ODAD2: variants seen among roughly 807,000 people sequenced by gnomAD.
The protein encoded by ODAD2 is outer dynein arm-docking complex subunit 2.
A neutral mutation model predicts 106.8 loss-of-function variants in ODAD2; 89 were observed. The observed-to-expected ratio is 0.83, with a 90% CI of 0.70 to 0.99. The LOEUF (loss-of-function observed/expected upper bound fraction) is 0.99. ODAD2 is among the 50% of genes least tolerant of loss of function. ODAD2 has a pLI of 0.00. For missense variants in ODAD2, 1,168 were observed against 1,238.5 expected (o/e 0.94, Z 0.85); for synonymous variants, 404 against 436.2 (o/e 0.93, Z 0.92).
chr10:27,963,093 C>T (rs1251643523), intron 9 of ODAD2, among the ~76,000 whole-genome samples: 6 of 151,846 alleles, frequency 4.0e-5, no homozygotes, highest in African/African-American at 7.3e-5. Context: ...CTGCAACCTC[C>T]GCCTGCCGGG....
intron 7 of ODAD2, among the ~76,000 whole-genome samples, chr10:27,979,445 T>TACAC (rs35697488): frequency 0.018 from 2,607 of 141,876 alleles, 34 homozygotes; most frequent in Middle Eastern, 0.051. Flanking sequence ...CACACACCCA[T>TACAC]ACACACACAC....
chr10:27,897,454 T>C (rs1020053796), intron 17 of ODAD2, among the ~76,000 whole-genome samples: 2 of 152,068 alleles, frequency 1.3e-5, no homozygotes, highest in Non-Finnish European at 2.9e-5. Context: ...AGAAAAAAAA[T>C]CCAAAATTCA....
At chr10:27,887,026 C>A (rs893558400) in intron 17 of ODAD2, among the ~76,000 whole-genome samples, 2 of 151,924 alleles carry the variant, frequency 1.3e-5, no homozygotes, top group East Asian at 3.8e-4. Context: ...CTTTCCTATA[C>A]TTTAAATGTA....
intron 19 of ODAD2, among the ~76,000 whole-genome samples, chr10:27,845,650 C>T (rs892002675): frequency 3.9e-5 from 6 of 152,124 alleles, no homozygotes; most frequent in Non-Finnish European, 7.3e-5. Context: ...AGTCAGGACC[C>T]ATTAGTGTGC....
chr10:27,998,930 G>GCGCCGC (rs71391007), intron 1 of ODAD2, 64 bp downstream of exon 1: 38,806 of 156,398 alleles, frequency 0.25, 5,154 homozygotes, highest in Middle Eastern at 0.31. Context: ...CCTCCCCCGG[G>GCGCCGC]CGCCGCCGCC....
chr10:27,950,075 C>T lies in ODAD2; in HGVS notation c.1387-5113G>A, dbSNP rs1490483070. Among the ~76,000 whole-genome samples the T allele has an allele frequency of 4.6e-5, 7 of 152,268 alleles. No homozygotes were observed. The South Asian group carries it at 1.5e-3, about 32-fold the overall frequency. The stretch of plus-strand genomic sequence containing the variant: ...CCCACACAGCTTCTCCATCTGCAAT[C>T]AAGAAGCAGCCGGTGAGACTTGGAG... On this transcript the variant is annotated intron_variant, in intron 10 of 19. Transcript: ENST00000305242.
chr10:27,885,720 A>T (rs1243817081), intron 17 of ODAD2, among the ~76,000 whole-genome samples: 520 of 41,910 alleles, frequency 0.012, 32 homozygotes, highest in Non-Finnish European at 0.02. Context: ...TATATTATAT[A>T]TTATATATAA....
At chr10:27,907,526 G>C (rs565990790) in intron 17 of ODAD2, 137 bp downstream of exon 17, 83 of 533,752 alleles carry the variant, frequency 1.6e-4, no homozygotes, top group African/African-American at 1.4e-3. Context: ...AATTATTTTG[G>C]CATAAACATT....
At position 27,894,329 on chromosome 10, in the gene ODAD2, A is replaced by G. The variant is rs1486867795; in HGVS notation, c.2610+13334T>C. Among the ~76,000 whole-genome samples, 4 of 152,224 alleles carry G rather than the reference A, an allele frequency of 2.6e-5. No individual in the cohort carries two copies. The East Asian group carries it at 5.8e-4, about 22-fold the overall frequency. ...AACATGAGACCTCAAAAAAATTCCA[A>G]GTACACATAACCTCCACGGATATAC... On this transcript the variant is annotated intron_variant, in intron 17 of 19. Transcript: ENST00000305242.
At chr10:27,992,555 T>C (rs1311561902) in intron 2 of ODAD2, among the ~76,000 whole-genome samples, 1 of 151,934 alleles carries the variant, frequency 6.6e-6, no homozygotes, top group Non-Finnish European at 1.5e-5. Flanking sequence ...CCAGGCATAG[T>C]AGTATGTGCC....
chr10:27,956,491 A>G (rs11596400), intron 10 of ODAD2, among the ~76,000 whole-genome samples: 57,230 of 152,028 alleles, frequency 0.38, 12,122 homozygotes, highest in Middle Eastern at 0.59. Flanking sequence ...GTGCTTGCCA[A>G]TATAACCCTT....
intron 17 of ODAD2, among the ~76,000 whole-genome samples, chr10:27,906,115 A>G (rs576276883): frequency 2.0e-5 from 3 of 152,298 alleles, no homozygotes; most frequent in Non-Finnish European, 4.4e-5. Flanking sequence ...CAATCTATCA[A>G]TCTGACAAAG....
chr10:27,854,328 C>T lies in ODAD2; in HGVS notation c.3021+6297G>A, dbSNP rs112533557. Among the ~76,000 whole-genome samples, 4 of 152,052 alleles carry T rather than the reference C, an allele frequency of 2.6e-5. No homozygotes were observed. The South Asian group carries it at 8.3e-4, about 32-fold the overall frequency. On this transcript the variant is annotated intron_variant, in intron 19 of 19. Coordinates refer to ENST00000305242, the MANE Select transcript of ODAD2 (RefSeq NM_018076.5). ...TTTAAAAAGTTAAAGGTACACATAC[C>T]GTATGATCCAGCCATTCACTCCTAG... is the stretch of plus-strand genomic sequence containing the variant.
chr10:27,868,649 G>A (rs1221149097), intron 17 of ODAD2, among the ~76,000 whole-genome samples: 2 of 152,078 alleles, frequency 1.3e-5, no homozygotes, highest in East Asian at 3.9e-4. Flanking sequence ...CATAGATACA[G>A]GGAAGGGAAT....
intron 17 of ODAD2, among the ~76,000 whole-genome samples, chr10:27,887,758 T>C (rs1457288308): frequency 6.6e-6 from 1 of 151,618 alleles, no homozygotes; most frequent in Admixed American, 6.6e-5. Flanking sequence ...CACACAAAAC[T>C]AGAAAAACAA....
intron 14 of ODAD2, among the ~76,000 whole-genome samples, chr10:27,938,828 G>A (rs905212712): frequency 6.6e-6 from 1 of 152,026 alleles, no homozygotes; most frequent in Non-Finnish European, 1.5e-5. Context: ...TTGAACCCCT[G>A]ACCTGAAGTG....
intron 19 of ODAD2, among the ~76,000 whole-genome samples, chr10:27,829,471 G>A (rs1333393955): frequency 6.6e-6 from 1 of 152,046 alleles, no homozygotes; most frequent in Non-Finnish European, 1.5e-5. Context: ...AGTCTGTCTT[G>A]TCATTTGCTA....
At chr10:27,950,967 A>G (rs1847290583) in intron 10 of ODAD2, among the ~76,000 whole-genome samples, 1 of 152,242 alleles carries the variant, frequency 6.6e-6, no homozygotes, top group African/African-American at 2.4e-5. Context: ...TTTATACACT[A>G]ACAATAACAA....
intron 19 of ODAD2, among the ~76,000 whole-genome samples, chr10:27,835,023 C>T (rs926251553): frequency 3.3e-5 from 5 of 152,278 alleles, no homozygotes; most frequent in East Asian, 1.9e-4. Context: ...AACACACAAC[C>T]GAAGGCGCAG....
Sources: gnomAD v4.1 joint callset for allele counts (sites outside exome capture counted in the v4.1 genomes callset) on GRCh38, gnomAD v4.1.1 for gene constraint, MANE v1.5 for transcripts, NCBI Gene and HGNC (gene_info 2026-07-23, HGNC 2026-07-21) for gene names.